DAD1: variants seen among roughly 807,000 people sequenced by gnomAD.
DAD1 encodes defender against cell death 1.
A neutral mutation model predicts 9.0 loss-of-function variants in DAD1; 4 were observed. The ratio of observed to expected loss-of-function variants is 0.44; its 90% CI spans 0.22 to 1.01. The LOEUF (loss-of-function observed/expected upper bound fraction) is 1.01. Among genes scored for constraint, DAD1 ranks in the 50% least tolerant of loss-of-function variants. The pLI is 0.24. For synonymous variants in DAD1, 60 were observed against 62.5 expected (o/e 0.96, Z 0.19); for missense variants, 119 against 137.3 (o/e 0.87, Z 0.67).
chr14:22,578,148 C>T (rs1195333962), intron 1 of DAD1, among the ~76,000 whole-genome samples: 1 of 151,516 alleles, frequency 6.6e-6, no homozygotes, highest in African/African-American at 2.4e-5. Flanking sequence ...AGTTGCTTGG[C>T]AGGCTGAGGC....
At chr14:22,582,406 C>T (rs1305776286) in intron 1 of DAD1, among the ~76,000 whole-genome samples, 1 of 150,152 alleles carries the variant, frequency 6.7e-6, no homozygotes, top group Non-Finnish European at 1.5e-5. Flanking sequence ...TGCCTGTAGT[C>T]CCAGCTACTC....
At chr14:22,573,628 T>G (rs1054205158) in intron 2 of DAD1, among the ~76,000 whole-genome samples, 7 of 141,250 alleles carry the variant, frequency 5.0e-5, no homozygotes, top group Admixed American at 2.3e-4. Context: ...GAGAATGGCA[T>G]GAACTCGGGA....
chr14:22,577,014 G>A (rs55667501), intron 1 of DAD1, among the ~76,000 whole-genome samples: 1 of 152,176 alleles, frequency 6.6e-6, no homozygotes, highest in Non-Finnish European at 1.5e-5. Flanking sequence ...ACTAACAAGT[G>A]GGAAAATCAA....
At position 22,589,052 on chromosome 14, in the gene DAD1, G is replaced by A; in HGVS notation, c.106C>T (p.Leu36=). The A allele has an allele frequency of 1.2e-6, 2 of 1,614,240 alleles. No homozygotes were observed. Among genetic ancestry groups the A allele is most frequent in the Non-Finnish European group, 8.5e-7 (1 of 1,180,036 alleles). ...TAACCGAACTGCAGCGCCCCGGTCA[G>A]CAGTATATACAGCAGGTACGCGTCC... ...LLDAYLLYIL[L]TGALQFGYCL... The change falls in exon 1 of 3, where the codon CTG becomes TTG. Residue 36 remains leucine (L), a synonymous_variant. Transcript: ENST00000250498.
chr14:22,581,743 CAA>C (rs59052046), intron 1 of DAD1, among the ~76,000 whole-genome samples: 73 of 36,724 alleles, frequency 2.0e-3, no homozygotes, highest in African/African-American at 5.7e-3. Context: ...AACTCCATCT[CAA>C]AAAAAAAAAA....
intron 1 of DAD1, among the ~76,000 whole-genome samples, chr14:22,587,659 C>T (rs909559622): frequency 6.6e-6 from 1 of 152,080 alleles, no homozygotes; most frequent in African/African-American, 2.4e-5. Flanking sequence ...TAAGAAATAT[C>T]TCTGGTGTGT....
At chr14:22,568,695 ATTTT>A (rs59847356) in intron 2 of DAD1, among the ~76,000 whole-genome samples, 12 of 136,496 alleles carry the variant, frequency 8.8e-5, no homozygotes, top group African/African-American at 1.4e-4. Flanking sequence ...AAGTCTTCTG[ATTTT>A]TTTTTTTTTT....
chr14:22,571,313 C>CAAAAAAA lies in DAD1; in HGVS notation c.*44+3739_*44+3745dup, dbSNP rs71115558. Among the ~76,000 whole-genome samples, 87 of 115,326 alleles carry CAAAAAAA rather than the reference C, an allele frequency of 7.5e-4. 2 individuals are homozygous for CAAAAAAA. Among genetic ancestry groups the CAAAAAAA allele is most frequent in the African/African-American group, 2.9e-3 (81 of 27,668 alleles). 75.7% of individuals were successfully genotyped at this position (115,326 alleles called of 152,430 possible). A position where few individuals can be genotyped will look rare whatever the true frequency, so the allele number is the denominator to read the frequency against. On this transcript the variant is annotated intron_variant, in intron 2 of 2. Transcript: ENST00000250498. ...TGGGCAAGACAGTAAGACTCTGTCTCAAAAAAAAAAAAAAAAGAATTTCAC... is the reference window on the plus strand; with the variant it reads ...TGGGCAAGACAGTAAGACTCTGTCTCAAAAAAAAAAAAAAAAAAAAAAAGAATTTCAC...
chr14:22,572,146 G>C (rs5742813), intron 2 of DAD1, among the ~76,000 whole-genome samples: 1 of 151,976 alleles, frequency 6.6e-6, no homozygotes, highest in Non-Finnish European at 1.5e-5. Context: ...GCCTCTTTCA[G>C]AGTAGGTTAG....
chr14:22,571,008 A>AC (rs2037034774), intron 2 of DAD1, among the ~76,000 whole-genome samples: 1 of 145,682 alleles, frequency 6.9e-6, no homozygotes, highest in Admixed American at 6.8e-5. Flanking sequence ...ATGGACTGAG[A>AC]TTTTTTTTTT....
At chr14:22,582,664 G>A (rs2037125492) in intron 1 of DAD1, among the ~76,000 whole-genome samples, 1 of 152,192 alleles carries the variant, frequency 6.6e-6, no homozygotes, top group South Asian at 2.1e-4. Context: ...AACAGATGCA[G>A]GAGATAAGAG....
intron 2 of DAD1, among the ~76,000 whole-genome samples, chr14:22,572,700 C>A (rs1468071984): frequency 6.6e-6 from 1 of 151,982 alleles, no homozygotes; most frequent in African/African-American, 2.4e-5. Flanking sequence ...TCATGACAGC[C>A]CTAAGAAATA....
chr14:22,578,894 T>C (rs2037096498), intron 1 of DAD1, among the ~76,000 whole-genome samples: 1 of 152,176 alleles, frequency 6.6e-6, no homozygotes, highest in Admixed American at 6.5e-5. Flanking sequence ...CACAAAGCTC[T>C]CTTATCTGCT....
chr14:22,582,967 C>CTA (rs2037127580), intron 1 of DAD1, among the ~76,000 whole-genome samples: 1 of 144,642 alleles, frequency 6.9e-6, no homozygotes, highest in Non-Finnish European at 1.5e-5. Flanking sequence ...GATTGTGCCA[C>CTA]TGCACTCCAG....
rs1017443696 is a variant in DAD1, at chr14:22,565,077, T to C, written c.*105A>G. On this transcript the variant is annotated 3_prime_UTR_variant, in exon 3 of 3. Coordinates refer to ENST00000250498, the MANE Select transcript of DAD1 (RefSeq NM_001344.4). ...GCAGTAAGTGCAAATCTGAAGAAAA[T>C]CCATGTGTCCAATAAGCTGCCATCT... is the stretch of plus-strand genomic sequence containing the variant. 9 of 701,396 alleles carry C rather than the reference T, an allele frequency of 1.3e-5. No homozygotes were observed. Among genetic ancestry groups the C allele is most frequent in the African/African-American group, 3.5e-5 (2 of 57,146 alleles). The allele number at this position is 701,396 out of a possible 1,614,324, so 43.4% of individuals were successfully genotyped here.
In DAD1 at chr14:22,579,274, G is replaced by A. The variant is rs1566373099; in HGVS notation, c.212-4041C>T. ...ATACACTCTTCCGAAGTATCTTTATGCCTGTGATAAATTATTACATTGCTT... is the reference window on the plus strand; with the variant it reads ...ATACACTCTTCCGAAGTATCTTTATACCTGTGATAAATTATTACATTGCTT... On this transcript the variant is annotated intron_variant, in intron 1 of 2. Coordinates refer to ENST00000250498, the MANE Select transcript of DAD1 (RefSeq NM_001344.4). 3.3e-5 allele frequency among the ~76,000 whole-genome samples: 5 copies of A among 150,342 alleles called. No individual in the cohort carries two copies. In the South Asian group the frequency reaches 1.0e-3, roughly 31 times the overall value.
At chr14:22,583,317 C>CAGTCACATGAGAGTGTTCAG in intron 1 of DAD1, among the ~76,000 whole-genome samples, 3 of 152,104 alleles carry the variant, frequency 2.0e-5, no homozygotes, top group South Asian at 4.2e-4. Context: ...CACAAAACAG[C>CAGTCACATGAGAGTGTTCAG]AGAAAGGAAA....
chr14:22,570,977 T>C (rs1237781245), intron 2 of DAD1, among the ~76,000 whole-genome samples: 2 of 151,818 alleles, frequency 1.3e-5, no homozygotes, highest in Non-Finnish European at 2.9e-5. Flanking sequence ...CTTTTCCTCA[T>C]TACCCTTCAG....
chr14:22,578,311 TC>T (rs2037092377), intron 1 of DAD1, among the ~76,000 whole-genome samples: 1 of 151,520 alleles, frequency 6.6e-6, no homozygotes, highest in Non-Finnish European at 1.5e-5. Context: ...ACTCCTGTAA[TC>T]CCCGCACTTT....
Sources: gnomAD v4.1 joint callset for allele counts (sites outside exome capture counted in the v4.1 genomes callset) on GRCh38, gnomAD v4.1.1 for gene constraint, MANE v1.5 for transcripts, NCBI Gene and HGNC (gene_info 2026-07-23, HGNC 2026-07-21) for gene names.